Variants in KIAA1217 observed in about 807,000 individuals in gnomAD.
KIAA1217 encodes sickle tail protein homolog.
KIAA1217 carries 88 observed loss-of-function variants against 163.9 expected under a neutral mutation model. The ratio of observed to expected loss-of-function variants is 0.54; its 90% confidence interval spans 0.45 to 0.64. The LOEUF (loss-of-function observed/expected upper bound fraction) is 0.64, where lower values mean the gene tolerates loss of function less well. KIAA1217 is among the 30% of genes least tolerant of loss of function. The pLI is 0.00. For synonymous variants in KIAA1217, 903 were observed against 923.1 expected, an observed-to-expected ratio of 0.98 and a Z score of 0.39; for missense variants, 2,372 against 2,475.0, an observed-to-expected ratio of 0.96 and a Z score of 0.88.
chr10:24,164,100 G>A (rs1456974127), intron 2 of KIAA1217, among the ~76,000 whole-genome samples: 5 of 152,250 alleles, frequency 3.3e-5, no homozygotes, highest in African/African-American at 1.2e-4. Context: ...GGAATGAACA[G>A]TGAACTCTTC....
At chr10:24,488,972 C>A (rs752447189) in intron 6 of KIAA1217, among the ~76,000 whole-genome samples, 4 of 152,128 alleles carry the variant, frequency 2.6e-5, no homozygotes, top group Non-Finnish European at 5.9e-5. Flanking sequence ...TTACCTAGCA[C>A]GTATTAAGGG....
At chr10:24,387,728 G>A (rs555110192) in intron 3 of KIAA1217, among the ~76,000 whole-genome samples, 3 of 152,162 alleles carry the variant, frequency 2.0e-5, no homozygotes, top group South Asian at 4.2e-4. Context: ...AAATCAATGT[G>A]CAAAAATCAC....
At chr10:23,809,390 T>C (rs1413654559) in intron 1 of KIAA1217, among the ~76,000 whole-genome samples, 9 of 151,914 alleles carry the variant, frequency 5.9e-5, no homozygotes, top group Admixed American at 5.9e-4. Context: ...ATGTGAAACT[T>C]TAAGGGTATT....
chr10:24,263,926 T>A (rs1378032285), intron 2 of KIAA1217, among the ~76,000 whole-genome samples: 1 of 152,144 alleles, frequency 6.6e-6, no homozygotes, highest in Non-Finnish European at 1.5e-5. Context: ...GGTGCGATCT[T>A]GGCTCACTGC....
At chr10:24,419,162 GA>G (rs1467441669) in intron 3 of KIAA1217, among the ~76,000 whole-genome samples, 1 of 132,704 alleles carries the variant, frequency 7.5e-6, no homozygotes, top group African/African-American at 2.8e-5. Flanking sequence ...AACAGAGCAA[GA>G]CTCGTCTCCA....
intron 1 of KIAA1217, among the ~76,000 whole-genome samples, chr10:23,864,096 ATTATTATTC>A (rs1433576212): frequency 2.2e-5 from 3 of 137,790 alleles, no homozygotes. Flanking sequence ...TATTATTATT[ATTATTATTC>A]CTACTTTACA....
At chr10:23,724,573 G>A (rs1285635367) in intron 1 of KIAA1217, among the ~76,000 whole-genome samples, 1 of 152,054 alleles carries the variant, frequency 6.6e-6, no homozygotes, top group Non-Finnish European at 1.5e-5. Context: ...TTAAAAGATG[G>A]TCAAGATTTT....
chr10:24,402,421 A>G (rs534683801), intron 3 of KIAA1217, among the ~76,000 whole-genome samples: 82 of 151,388 alleles, frequency 5.4e-4, no homozygotes, highest in African/African-American at 1.8e-3. Flanking sequence ...AGGCAGTAGA[A>G]TGGCGTGAAC....
At chr10:24,281,366 G>T (rs187063621) in intron 2 of KIAA1217, among the ~76,000 whole-genome samples, 65 of 152,286 alleles carry the variant, frequency 4.3e-4, no homozygotes, top group African/African-American at 1.4e-3. Flanking sequence ...CTGTGGGAAA[G>T]AACTTTATCA....
At chr10:24,454,988 T>C (rs187739626) in intron 5 of KIAA1217, among the ~76,000 whole-genome samples, 1 of 152,344 alleles carries the variant, frequency 6.6e-6, no homozygotes, top group Admixed American at 6.5e-5. Flanking sequence ...AGGAGCCTAT[T>C]AGCTTGCAAT....
chr10:23,704,162 G>GTA (rs1836695222), intron 1 of KIAA1217, among the ~76,000 whole-genome samples: 1 of 77,972 alleles, frequency 1.3e-5, no homozygotes, highest in African/African-American at 7.1e-5. Flanking sequence ...GTGTGTGTGT[G>GTA]TGTGTGTGTG....
chr10:23,926,294 G>A (rs527937814), intron 1 of KIAA1217, among the ~76,000 whole-genome samples: 1 of 152,330 alleles, frequency 6.6e-6, no homozygotes, highest in Admixed American at 6.5e-5. Flanking sequence ...GGAGGCAACA[G>A]AAGTCAAGAA....
chr10:24,025,552 A>G (rs1284373797), intron 2 of KIAA1217, among the ~76,000 whole-genome samples: 2 of 151,748 alleles, frequency 1.3e-5, no homozygotes, highest in South Asian at 2.1e-4. Context: ...CATAAAATCT[A>G]GCTAAAATCT....
At chr10:23,758,901 G>T (rs1173490072) in intron 1 of KIAA1217, among the ~76,000 whole-genome samples, 1 of 150,890 alleles carries the variant, frequency 6.6e-6, no homozygotes, top group Non-Finnish European at 1.5e-5. Flanking sequence ...TGGCCAGGCT[G>T]GTCTTGAACT....
chr10:23,924,854 A>T (rs140465289), intron 1 of KIAA1217, among the ~76,000 whole-genome samples: 57 of 151,974 alleles, frequency 3.8e-4, no homozygotes, highest in African/African-American at 1.4e-3. Flanking sequence ...ATGCTATTAA[A>T]CTAGGATGTG....
chr10:24,112,833 G>A (rs1319685732), intron 2 of KIAA1217, among the ~76,000 whole-genome samples: 8 of 151,914 alleles, frequency 5.3e-5, no homozygotes. Flanking sequence ...TGATCCTCCC[G>A]CCTCAGCCTC....
intron 8 of KIAA1217, among the ~76,000 whole-genome samples, chr10:24,499,270 T>C (rs2067204927): frequency 6.6e-6 from 1 of 152,260 alleles, no homozygotes; most frequent in Non-Finnish European, 1.5e-5. Context: ...TTGGAAATGT[T>C]ATCAGATATG....
At chr10:23,803,997 A>T (rs1267650889) in intron 1 of KIAA1217, among the ~76,000 whole-genome samples, 1 of 152,248 alleles carries the variant, frequency 6.6e-6, no homozygotes, top group African/African-American at 2.4e-5. Flanking sequence ...ATAAATATGG[A>T]AAAATATAGA....
intron 1 of KIAA1217, among the ~76,000 whole-genome samples, chr10:23,797,816 C>T (rs1455042033): frequency 6.6e-6 from 1 of 152,092 alleles, no homozygotes; most frequent in Admixed American, 6.5e-5. Flanking sequence ...TGGATGGGGA[C>T]ACAGAGCCAA....
Sources: gnomAD v4.1 joint callset for allele counts (sites outside exome capture counted in the v4.1 genomes callset) on GRCh38, gnomAD v4.1.1 for gene constraint, MANE v1.5 for transcripts, NCBI Gene and HGNC (gene_info 2026-07-23, HGNC 2026-07-21) for gene names.